The following CHTF8 variants were observed in gnomAD, a reference collection of about 807,000 sequenced individuals.
CHTF8 encodes chromosome transmission fidelity factor 8, also known as chromosome transmission fidelity protein 8 homolog.
Under a neutral mutation model 11.0 loss-of-function variants are expected in CHTF8, and 6 were observed. The ratio of observed to expected loss-of-function variants is 0.55; its 90% CI spans 0.30 to 1.08. CHTF8 has a LOEUF of 1.08. Ranked by LOEUF, CHTF8 falls within the 50% of genes least tolerant of loss-of-function variation. The pLI, the probability that CHTF8 is intolerant of heterozygous loss-of-function variation, is 0.07. For synonymous variants in CHTF8, 53 were observed against 60.5 expected, an observed-to-expected ratio of 0.88 and a Z score of 0.57; for missense variants, 140 against 153.1, an observed-to-expected ratio of 0.91 and a Z score of 0.45.
In CHTF8 at chr16:69,119,657, C is replaced by A; in HGVS notation, c.*768G>T. 1.5e-6 allele frequency: 1 copy of A among 676,116 alleles called. No individual in the cohort carries two copies. Among genetic ancestry groups the A allele is most frequent in the Admixed American group, 2.2e-5 (1 of 46,106 alleles). The allele number at this position is 676,116 out of a possible 1,614,324, so 41.9% of individuals were successfully genotyped here. ...CTTAAGTTAAGACCAGATCCTGTGC[C>A]CAAGAGGCCACCTGCTCTGGCATCT... On this transcript the variant is annotated 3_prime_UTR_variant, in exon 4 of 4. Coordinates refer to ENST00000448552, the MANE Select transcript of CHTF8 (RefSeq NM_001039690.5).
rs1567585059 is a variant in CHTF8 at position 69,118,379 on chromosome 16, GA to G, written c.*2045del. ...GCCCCCAGGGAAAGGTATGGCAGTAGAGGATGACCAGGTCCAAGCTGCCCAG... is the reference window on the plus strand; with the variant it reads ...GCCCCCAGGGAAAGGTATGGCAGTAGGGATGACCAGGTCCAAGCTGCCCAG... On this transcript the variant is annotated 3_prime_UTR_variant, in exon 4 of 4. Transcript: ENST00000448552. 1 of 1,611,814 alleles carries G rather than the reference GA, an allele frequency of 6.2e-7. No individual in the cohort carries two copies. Among genetic ancestry groups the G allele is most frequent in the Non-Finnish European group, 8.5e-7 (1 of 1,177,908 alleles).
At chr16:69,122,144 A>G (rs549214129) in intron 1 of CHTF8, among the ~76,000 whole-genome samples, 1 of 152,270 alleles carries the variant, frequency 6.6e-6, no homozygotes, top group Non-Finnish European at 1.5e-5. Context: ...CTTTAGACAC[A>G]TTTTATCTTG....
chr16:69,127,521 C>G (rs1029953238), intron 1 of CHTF8, among the ~76,000 whole-genome samples: 8 of 150,840 alleles, frequency 5.3e-5, no homozygotes, highest in African/African-American at 2.0e-4. Flanking sequence ...TCAAGAGCAT[C>G]TGAAGGCACG....
intron 1 of CHTF8, among the ~76,000 whole-genome samples, 181 bp downstream of exon 1, chr16:69,132,303 C>A (rs1202852470): frequency 1.4e-5 from 2 of 146,950 alleles, no homozygotes; most frequent in Non-Finnish European, 3.0e-5. Flanking sequence ...CGCCCTCCCC[C>A]TTCCCGGCCA....
At position 69,120,507 on chromosome 16, in the gene CHTF8, AGGTACCG is replaced by A; in HGVS notation, c.277_283del (p.Arg93TrpfsTer2). On this transcript the variant is annotated frameshift_variant, in exon 4 of 4. Transcript: ENST00000448552. LOFTEE classifies it high-confidence loss of function. The surrounding 1 kb of genome is among the most constrained non-coding windows in gnomAD (Gnocchi z 4.0). ...CTTGTCTTTGATGAGTGCTGTCACC[AGGTACCG>A]GGTGCCAGTCTCGCGGCCAAGCTCA... 1 of 1,614,110 alleles carries A rather than the reference AGGTACCG, an allele frequency of 6.2e-7. No homozygotes were observed. Among genetic ancestry groups the A allele is most frequent in the Non-Finnish European group, 8.5e-7 (1 of 1,180,014 alleles).
intron 1 of CHTF8, among the ~76,000 whole-genome samples, chr16:69,129,196 C>T (rs964895717): frequency 6.6e-6 from 1 of 151,904 alleles, no homozygotes; most frequent in African/African-American, 2.4e-5. Flanking sequence ...TTTGGGAGGC[C>T]GAGGCGGGCA....
intron 1 of CHTF8, among the ~76,000 whole-genome samples, chr16:69,124,103 C>G (rs1226761983): frequency 6.7e-6 from 1 of 148,956 alleles, no homozygotes; most frequent in East Asian, 2.0e-4. Flanking sequence ...GACTCTGTCT[C>G]AAAGGGGAAA....
chr16:69,120,143 C>T lies in CHTF8; in HGVS notation c.*282G>A, dbSNP rs766919993. ...GGATTCATCCCTCTTGGAAAAGAAGCCATACTTGGGTCACGAGCACCAGCC... is the reference window on the plus strand; with the variant it reads ...GGATTCATCCCTCTTGGAAAAGAAGTCATACTTGGGTCACGAGCACCAGCC... On this transcript the variant is annotated 3_prime_UTR_variant, in exon 4 of 4. Transcript: ENST00000448552. The surrounding 1 kb of genome is among the most constrained non-coding windows in gnomAD (Gnocchi z 4.0). 1.1e-5 allele frequency: 8 copies of T among 701,374 alleles called. No individual in the cohort carries two copies. In the East Asian group the frequency reaches 1.9e-4, roughly 16 times the overall value. 43.4% of individuals were successfully genotyped at this position (701,374 alleles called of 1,614,324 possible).
rs186620448 is a variant in CHTF8, at chr16:69,122,761, C to T, written c.-35-1268G>A. Among the ~76,000 whole-genome samples the T allele has an allele frequency of 1.4e-4, 22 of 152,124 alleles. No homozygotes were observed. In the East Asian group the frequency reaches 3.7e-3, roughly 25 times the overall value. On this transcript the variant is annotated intron_variant, in intron 1 of 3. Transcript: ENST00000448552. ...TTCTTCATGTTGGCCAGGCTGGTCT[C>T]GAACTCCTGACTTCAGGTTGGCCAC... is the stretch of plus-strand genomic sequence containing the variant.
At position 69,118,345 on chromosome 16, in the gene CHTF8, T is replaced by G; in HGVS notation, c.*2080A>C. On this transcript the variant is annotated 3_prime_UTR_variant, in exon 4 of 4. Coordinates refer to ENST00000448552, the MANE Select transcript of CHTF8 (RefSeq NM_001039690.5). ...GAAGTGGTTGTCCATCTCCCTGTTC[T>G]GTGTTCAAGCCCCCAGGGAAAGGTA... 1 of 1,547,742 alleles carries G rather than the reference T, an allele frequency of 6.5e-7. No homozygotes were observed. Among genetic ancestry groups the G allele is most frequent in the Non-Finnish European group, 8.9e-7 (1 of 1,119,362 alleles).
rs973226484 is a variant in CHTF8, at chr16:69,118,893, T to G, written c.*1532A>C. On this transcript the variant is annotated 3_prime_UTR_variant, in exon 4 of 4. Transcript: ENST00000448552. ...TTCCATTTGGGTACATTGCAGCCAT[T>G]GGACCCCCTGGTCTGGGGAAAGCAG... is the stretch of plus-strand genomic sequence containing the variant. The G allele has an allele frequency of 8.5e-6, 6 of 702,938 alleles. No homozygotes were observed. Among genetic ancestry groups the G allele is most frequent in the Non-Finnish European group, 1.6e-5 (6 of 384,998 alleles). The allele number at this position is 702,938 out of a possible 1,614,324, so 43.5% of individuals were successfully genotyped here.
intron 1 of CHTF8, among the ~76,000 whole-genome samples, chr16:69,125,864 T>C (rs908435022): frequency 2.0e-5 from 3 of 152,220 alleles, no homozygotes; most frequent in Non-Finnish European, 4.4e-5. Context: ...CTATGACACC[T>C]AGATTATGTC....
chr16:69,127,372 A>C (rs1415242822), intron 1 of CHTF8, among the ~76,000 whole-genome samples: 1 of 152,140 alleles, frequency 6.6e-6, no homozygotes, highest in African/African-American at 2.4e-5. Flanking sequence ...AATCACAAGC[A>C]TAACAATGGA....
chr16:69,124,455 A>T (rs1008848647), intron 1 of CHTF8, among the ~76,000 whole-genome samples: 1 of 151,880 alleles, frequency 6.6e-6, no homozygotes, highest in African/African-American at 2.4e-5. Context: ...ATGGACTCTC[A>T]CTCTGTTGCC....
Position 69,118,413 on chromosome 16 carries a change from C to A in CHTF8, c.*2012G>T. ...CAGGTCCAAGCTGCCCAGGTCAGAG[C>A]TACGGAAGCATGGTCCGTTCACCAA... On this transcript the variant is annotated 3_prime_UTR_variant, in exon 4 of 4. Coordinates refer to ENST00000448552, the MANE Select transcript of CHTF8 (RefSeq NM_001039690.5). 1 of 1,613,570 alleles carries A rather than the reference C, an allele frequency of 6.2e-7. No homozygotes were observed. The highest frequency in any genetic ancestry group is 8.5e-7 in the Non-Finnish European group (1 of 1,179,498).
In CHTF8 at chr16:69,119,934, C is replaced by T. The variant is rs758590160; in HGVS notation, c.*491G>A. On this transcript the variant is annotated 3_prime_UTR_variant, in exon 4 of 4. Coordinates refer to ENST00000448552, the MANE Select transcript of CHTF8 (RefSeq NM_001039690.5). Reference sequence around the variant, plus strand: ...CACCTCTGGGGTCAGGACCTGCTCCCAGGAGACCACCTGCCCTTGGGTTGG... The same window carrying T: ...CACCTCTGGGGTCAGGACCTGCTCCTAGGAGACCACCTGCCCTTGGGTTGG... 28 of 702,188 alleles carry T rather than the reference C, an allele frequency of 4.0e-5. 1 individual carries two copies. The South Asian group carries it at 4.1e-4, about 10-fold the overall frequency. The allele number at this position is 702,188 out of a possible 1,614,324, so 43.5% of individuals were successfully genotyped here. A position where few individuals can be genotyped will look rare whatever the true frequency, so the allele number is the denominator to read the frequency against.
intron 1 of CHTF8, among the ~76,000 whole-genome samples, chr16:69,122,713 T>C (rs891189441): frequency 1.3e-5 from 2 of 152,102 alleles, no homozygotes; most frequent in African/African-American, 2.4e-5. Context: ...GGCTAATTTT[T>C]GTATTTTTAG....
Position 69,118,345 on chromosome 16 carries a change from T to C in CHTF8, c.*2080A>G. Reference sequence around the variant, plus strand: ...GAAGTGGTTGTCCATCTCCCTGTTCTGTGTTCAAGCCCCCAGGGAAAGGTA... The same window carrying C: ...GAAGTGGTTGTCCATCTCCCTGTTCCGTGTTCAAGCCCCCAGGGAAAGGTA... On this transcript the variant is annotated 3_prime_UTR_variant, in exon 4 of 4. Transcript: ENST00000448552. 1 of 1,547,742 alleles carries C rather than the reference T, an allele frequency of 6.5e-7. No individual in the cohort carries two copies. The highest frequency in any genetic ancestry group is 1.1e-5 in the South Asian group (1 of 89,782).
In CHTF8 at chr16:69,120,709, G is replaced by T; in HGVS notation, c.142-60C>A. 7.1e-7 allele frequency: 1 copy of T among 1,404,266 alleles called. No homozygotes were observed. Among genetic ancestry groups the T allele is most frequent in the Non-Finnish European group, 9.9e-7 (1 of 1,010,872 alleles). The allele number at this position is 1,404,266 out of a possible 1,614,324, so 87.0% of individuals were successfully genotyped here. ...CGGGGCAAGGCCATAACACTCAGGC[G>T]CCTCCTAAAGCTGCTCTTGGCAGGC... On this transcript the variant is annotated intron_variant, in intron 3 of 3. Transcript: ENST00000448552. This position sits in a 1 kb window ranked among gnomAD's most constrained non-coding sequence, Gnocchi z 4.0.
Sources: gnomAD v4.1 joint callset for allele counts (sites outside exome capture counted in the v4.1 genomes callset) on GRCh38, gnomAD v4.1.1 for gene constraint, Gnocchi (gnomAD v3.1) non-coding constraint, MANE v1.5 for transcripts, NCBI Gene and HGNC (gene_info 2026-07-23, HGNC 2026-07-21) for gene names.